PDE8B: variants seen among roughly 807,000 people sequenced by gnomAD.
PDE8B encodes the protein high affinity cAMP-specific and IBMX-insensitive 3',5'-cyclic phosphodiesterase 8B.
In PDE8B, 26 loss-of-function variants were observed where a neutral mutation model predicts 101.3. That is an observed-to-expected ratio of 0.26 (90% CI 0.19 to 0.36). PDE8B has a LOEUF of 0.36. Among genes scored for constraint, PDE8B ranks in the 10% least tolerant of loss-of-function variants. The probability of loss-of-function intolerance (pLI) is 1.00; values close to 1 mark genes in which losing one functional copy is unlikely to be tolerated. For synonymous variants in PDE8B, 424 were observed against 429.3 expected (o/e 0.99, Z 0.15); for missense variants, 810 against 1,163.1 (o/e 0.70, Z 4.42).
intron 1 of PDE8B, among the ~76,000 whole-genome samples, chr5:77,234,273 C>A (rs1001430428): frequency 6.6e-6 from 1 of 152,104 alleles, no homozygotes; most frequent in Admixed American, 6.5e-5. Context: ...GGGAATGTCA[C>A]CTTTGTTGGT....
At chr5:77,422,071 G>A in intron 20 of PDE8B, 83 bp downstream of exon 20, 2 of 1,428,826 alleles carry the variant, frequency 1.4e-6, no homozygotes, top group Admixed American at 1.9e-5. Flanking sequence ...TTCTCCAGCT[G>A]AGTAACTTTT....
the PDE8B span, among the ~76,000 whole-genome samples, chr5:77,164,142 A>T: frequency 6.6e-6 from 1 of 152,240 alleles, no homozygotes; most frequent in East Asian, 1.9e-4. Flanking sequence ...AGGTTAAAAT[A>T]ATTGGCATCA....
chr5:77,098,296 A>T, the PDE8B span, among the ~76,000 whole-genome samples: 509 of 113,144 alleles, frequency 4.5e-3, 2 homozygotes, highest in Non-Finnish European at 7.3e-3. Flanking sequence ...TTTTTTTTAA[A>T]AAAAAAAAAG....
chr5:77,371,977 T>C (rs1001702074), intron 10 of PDE8B, among the ~76,000 whole-genome samples: 9 of 152,034 alleles, frequency 5.9e-5, no homozygotes, highest in African/African-American at 2.2e-4. Flanking sequence ...GAGGTTGGCA[T>C]ATCACTTCAG....
At chr5:77,263,102 A>T (rs2149714532) in intron 1 of PDE8B, among the ~76,000 whole-genome samples, 1 of 152,340 alleles carries the variant, frequency 6.6e-6, no homozygotes, top group Non-Finnish European at 1.5e-5. Flanking sequence ...ATAAGGTTTC[A>T]CCAAAATAGA....
intron 10 of PDE8B, among the ~76,000 whole-genome samples, chr5:77,395,996 T>TCA (rs1274390882): frequency 6.6e-6 from 1 of 152,248 alleles, no homozygotes; most frequent in Non-Finnish European, 1.5e-5. Flanking sequence ...TGTGTCTGGA[T>TCA]CACATATAGC....
the PDE8B span, among the ~76,000 whole-genome samples, chr5:77,189,143 G>C: frequency 6.6e-6 from 1 of 152,184 alleles, no homozygotes; most frequent in Non-Finnish European, 1.5e-5. Flanking sequence ...AAGGCAATGA[G>C]AGCTGTGAGC....
chr5:77,195,985 C>A, the PDE8B span, among the ~76,000 whole-genome samples: 2 of 152,158 alleles, frequency 1.3e-5, no homozygotes, highest in Admixed American at 6.5e-5. Context: ...GTTTTCAATT[C>A]ATTGGAGTTT....
chr5:77,344,410 G>C (rs1779791541), intron 6 of PDE8B, among the ~76,000 whole-genome samples: 1 of 152,200 alleles, frequency 6.6e-6, no homozygotes, highest in African/African-American at 2.4e-5. Flanking sequence ...TTGCATTACT[G>C]TATCTTAAAT....
chr5:77,115,600 G>A, the PDE8B span, among the ~76,000 whole-genome samples: 3 of 152,150 alleles, frequency 2.0e-5, no homozygotes, highest in Non-Finnish European at 2.9e-5. Context: ...CTTTCTGAAC[G>A]TTTGCTTAAT....
chr5:77,164,620 A>G, the PDE8B span, among the ~76,000 whole-genome samples: 1 of 152,170 alleles, frequency 6.6e-6, no homozygotes, highest in African/African-American at 2.4e-5. Flanking sequence ...TTCATATCCA[A>G]AACAACCCAT....
chr5:77,229,665 G>T (rs189017544), intron 1 of PDE8B, among the ~76,000 whole-genome samples: 1 of 152,190 alleles, frequency 6.6e-6, no homozygotes, highest in Non-Finnish European at 1.5e-5. Context: ...GCCTATTGTG[G>T]ACATTTCCTA....
At chr5:77,270,178 G>T (rs1762516870) in intron 1 of PDE8B, among the ~76,000 whole-genome samples, 1 of 152,198 alleles carries the variant, frequency 6.6e-6, no homozygotes, top group Admixed American at 6.5e-5. Flanking sequence ...TAATTGTAGA[G>T]ATCTTTCACT....
intron 2 of PDE8B, among the ~76,000 whole-genome samples, chr5:77,320,097 T>C (rs1346854648): frequency 6.6e-6 from 1 of 152,198 alleles, no homozygotes; most frequent in Non-Finnish European, 1.5e-5. Context: ...CAATCATAAT[T>C]TTTACCATTA....
upstream of PDE8B, among the ~76,000 whole-genome samples, chr5:77,209,290 A>T (rs1747794525): frequency 6.6e-6 from 1 of 152,180 alleles, no homozygotes; most frequent in Admixed American, 6.5e-5. Flanking sequence ...CTTCTCTATG[A>T]AATTTAGAAA....
chr5:77,205,115 T>C, the PDE8B span, among the ~76,000 whole-genome samples: 85 of 152,286 alleles, frequency 5.6e-4, no homozygotes, highest in Non-Finnish European at 9.3e-4. Context: ...GACAGATCAC[T>C]TTTGTACTAT....
At chr5:77,128,809 C>T in the PDE8B span, among the ~76,000 whole-genome samples, 1 of 152,166 alleles carries the variant, frequency 6.6e-6, no homozygotes, top group Non-Finnish European at 1.5e-5. Flanking sequence ...AGAACTAGGT[C>T]AAAGTCTATT....
chr5:77,175,743 C>T, the PDE8B span, among the ~76,000 whole-genome samples: 1,136 of 152,246 alleles, frequency 7.5e-3, 7 homozygotes, highest in Non-Finnish European at 0.013. Flanking sequence ...AGTAGTTGCT[C>T]AAAAATATTT....
intron 20 of PDE8B, among the ~76,000 whole-genome samples, chr5:77,424,234 C>A (rs1797406495): frequency 6.6e-6 from 1 of 152,132 alleles, no homozygotes; most frequent in Admixed American, 6.5e-5. Context: ...GAGAGAGGAC[C>A]TGACGTACTA....
Sources: allele counts gnomAD v4.1 joint callset (sites outside exome capture counted in the v4.1 genomes callset), GRCh38; gene constraint gnomAD v4.1.1; transcripts MANE v1.5; gene names NCBI Gene and HGNC (gene_info 2026-07-23, HGNC 2026-07-21).